Variants in PCDH15 observed in about 807,000 individuals in gnomAD.
PCDH15 encodes the protein protocadherin related 15, also known as protocadherin-15.
A neutral mutation model predicts 178.5 loss-of-function variants in PCDH15; 129 were observed. The observed-to-expected ratio is 0.72, with a 90% CI of 0.63 to 0.84. The LOEUF is 0.84. PCDH15 is among the 40% of genes least tolerant of loss of function. PCDH15 has a pLI of 0.00. For synonymous variants in PCDH15, 800 were observed against 732.0 expected (o/e 1.09, Z -1.50); for missense variants, 2,230 against 2,099.9 (o/e 1.06, Z -1.21).
chr10:55,180,543 T>C (rs1444544930), intron 1 of PCDH15, among the ~76,000 whole-genome samples: 5 of 152,116 alleles, frequency 3.3e-5, no homozygotes, highest in African/African-American at 1.2e-4. Context: ...ATGCCTGCTA[T>C]GAATCAGGCA....
chr10:55,196,474 C>T (rs938143499), intron 1 of PCDH15, among the ~76,000 whole-genome samples: 1 of 151,914 alleles, frequency 6.6e-6, no homozygotes, highest in South Asian at 2.1e-4. Context: ...TGTCTAATGC[C>T]TTCAAGTTAG....
chr10:55,262,292 G>A (rs1842166031), intron 1 of PCDH15, among the ~76,000 whole-genome samples: 2 of 152,036 alleles, frequency 1.3e-5, no homozygotes, highest in Admixed American at 6.6e-5. Context: ...GGTAGAGAAG[G>A]GCAGGTCCTT....
intron 3 of PCDH15, among the ~76,000 whole-genome samples, chr10:54,830,948 G>T (rs1953215450): frequency 6.6e-6 from 1 of 151,874 alleles, no homozygotes; most frequent in Non-Finnish European, 1.5e-5. Flanking sequence ...TAATGGAACA[G>T]TTAACAACAA....
chr10:55,338,533 C>T (rs1035051550), intron 2 of PCDH15, among the ~76,000 whole-genome samples: 1 of 152,102 alleles, frequency 6.6e-6, no homozygotes, highest in African/African-American at 2.4e-5. Context: ...TCGGGGAGAC[C>T]AAGACAGGCG....
Position 54,467,394 on chromosome 10 carries a change from C to A in PCDH15, c.157+60418G>T, listed in dbSNP as rs897393197. Among the ~76,000 whole-genome samples, 58 of 151,602 alleles carry A rather than the reference C, an allele frequency of 3.8e-4. 1 individual carries two copies. The highest frequency in any genetic ancestry group is 1.4e-3 in the African/African-American group (56 of 41,344). ...TTAAATTTTCCCTATTTCTCTGTGT[C>A]TATTAAGATGATGATAAGATTTTGT... On this transcript the variant is annotated intron_variant, in intron 3 of 37. Coordinates refer to ENST00000644397, the MANE Select transcript of PCDH15 (RefSeq NM_001384140.1).
At chr10:53,975,258 CT>C (rs1324975396) in intron 21 of PCDH15, among the ~76,000 whole-genome samples, 1 of 152,124 alleles carries the variant, frequency 6.6e-6, no homozygotes, top group Non-Finnish European at 1.5e-5. Flanking sequence ...GTGCATGTGA[CT>C]TTTTGGTAGA....
chr10:54,283,132 C>A, intron 8 of PCDH15, among the ~76,000 whole-genome samples: 1 of 152,016 alleles, frequency 6.6e-6, no homozygotes, highest in South Asian at 2.1e-4. Flanking sequence ...GAAACTAAGG[C>A]AATATTTATG....
intron 2 of PCDH15, among the ~76,000 whole-genome samples, chr10:54,916,976 C>T (rs1046286030): frequency 1.3e-5 from 2 of 152,018 alleles, no homozygotes; most frequent in African/African-American, 4.8e-5. Flanking sequence ...GGACATAATA[C>T]ACAGAAAACA....
intron 2 of PCDH15, among the ~76,000 whole-genome samples, chr10:55,433,412 C>T (rs1228703001): frequency 2.0e-5 from 3 of 152,058 alleles, no homozygotes; most frequent in South Asian, 2.1e-4. Context: ...GCGACCATGG[C>T]CCACTTAAGG....
intron 2 of PCDH15, among the ~76,000 whole-genome samples, chr10:55,064,126 A>G (rs1841505105): frequency 6.6e-6 from 1 of 152,116 alleles, no homozygotes; most frequent in Admixed American, 6.6e-5. Flanking sequence ...CACCATAAAT[A>G]CATATGGAAA....
Position 54,411,342 on chromosome 10 carries a change from A to T in PCDH15, c.158-32400T>A, listed in dbSNP as rs114209311. Among the ~76,000 whole-genome samples, 908 of 152,314 alleles carry T rather than the reference A, an allele frequency of 6.0e-3. 6 individuals are homozygous for T. Among genetic ancestry groups the T allele is most frequent in the African/African-American group, 0.02 (844 of 41,562 alleles). On this transcript the variant is annotated intron_variant, in intron 3 of 37. Coordinates refer to ENST00000644397, the MANE Select transcript of PCDH15 (RefSeq NM_001384140.1). The stretch of plus-strand genomic sequence containing the variant: ...ACATAATTAAAAATTGAAAGAATTT[A>T]AAAAATGACAACTGTAGTCTCACTG...
intron 21 of PCDH15, among the ~76,000 whole-genome samples, chr10:53,971,024 T>C (rs1033890117): frequency 7.2e-5 from 11 of 152,184 alleles, no homozygotes; most frequent in Admixed American, 7.2e-4. Flanking sequence ...TGAACATCAA[T>C]GTGAAAATCC....
chr10:54,463,840 G>A (rs767399630), intron 3 of PCDH15, among the ~76,000 whole-genome samples: 4 of 151,986 alleles, frequency 2.6e-5, no homozygotes, highest in African/African-American at 4.8e-5. Context: ...ATGTACGAGC[G>A]ACATTTGAAC....
intron 2 of PCDH15, among the ~76,000 whole-genome samples, chr10:54,985,241 T>A (rs562813760): frequency 6.6e-6 from 1 of 152,184 alleles, no homozygotes. Context: ...TTTGTGAATC[T>A]TAGTAAACTT....
chr10:55,411,689 A>T (rs1565111492), intron 2 of PCDH15, among the ~76,000 whole-genome samples: 1 of 152,080 alleles, frequency 6.6e-6, no homozygotes. Context: ...TACGAAACAG[A>T]TTTTCTTCAA....
chr10:54,543,474 C>A lies in PCDH15; in HGVS notation c.92-15597G>T, dbSNP rs534104291. Among the ~76,000 whole-genome samples, 11 of 151,902 alleles carry A rather than the reference C, an allele frequency of 7.2e-5. No individual in the cohort carries two copies. The South Asian group carries it at 1.5e-3, about 20-fold the overall frequency. On this transcript the variant is annotated intron_variant, in intron 2 of 37. Transcript: ENST00000644397. The stretch of plus-strand genomic sequence containing the variant: ...GCAGCGGGGCACTGAAGAAGCGATC[C>A]ACACCCCCAACGCATGCCCTGCGAG...
Position 54,389,219 on chromosome 10 carries a change from C to T in PCDH15, c.158-10277G>A, listed in dbSNP as rs549229875. On this transcript the variant is annotated intron_variant, in intron 3 of 37. Coordinates refer to ENST00000644397, the MANE Select transcript of PCDH15 (RefSeq NM_001384140.1). ...AGCCAGATGCCCTTTTACCAATATA[C>T]TTGTTAAATCTTGCTGAAGTGCATG... is the stretch of plus-strand genomic sequence containing the variant. Among the ~76,000 whole-genome samples, 4 of 152,246 alleles carry T rather than the reference C, an allele frequency of 2.6e-5. No homozygotes were observed. In the South Asian group the frequency reaches 8.3e-4, roughly 32 times the overall value.
At chr10:54,307,038 G>GTATA (rs1366864792) in intron 8 of PCDH15, among the ~76,000 whole-genome samples, 10 of 24,822 alleles carry the variant, frequency 4.0e-4, no homozygotes, top group African/African-American at 9.3e-4. Flanking sequence ...ATGTGTGTGT[G>GTATA]TGTATATATA....
At chr10:54,010,821 A>T (rs114908175) in intron 20 of PCDH15, among the ~76,000 whole-genome samples, 3,253 of 152,240 alleles carry the variant, frequency 0.021, 100 homozygotes, top group African/African-American at 0.074. Context: ...GCAGTGCCTA[A>T]GCTCGGGAGC....
Sources: gnomAD v4.1 joint callset for allele counts (sites outside exome capture counted in the v4.1 genomes callset) on GRCh38, gnomAD v4.1.1 for gene constraint, MANE v1.5 for transcripts, NCBI Gene and HGNC (gene_info 2026-07-23, HGNC 2026-07-21) for gene names.